Variants in MCF2L2 observed in about 807,000 individuals in gnomAD.
The protein encoded by MCF2L2 is MCF.2 cell line derived transforming sequence-like 2.
MCF2L2 carries 102 observed loss-of-function variants against 150.2 expected under a neutral mutation model. That is an observed-to-expected ratio of 0.68 (90% confidence interval 0.58 to 0.80). The LOEUF (loss-of-function observed/expected upper bound fraction) is 0.80. MCF2L2 is among the 30% of genes least tolerant of loss of function. MCF2L2 has a pLI of 0.00. For missense variants in MCF2L2, 1,256 were observed against 1,372.8 expected (o/e 0.91, Z 1.34); for synonymous variants, 465 against 491.3 (o/e 0.95, Z 0.71).
Position 183,323,265 on chromosome 3 carries a change from A to G in MCF2L2, c.573T>C (p.Tyr191=). The G allele has an allele frequency of 6.2e-7, 1 of 1,613,484 alleles. No individual in the cohort carries two copies. The highest frequency in any genetic ancestry group is 2.2e-5 in the East Asian group (1 of 44,878). ...GGTGATTTACCCACTGACCGTGGCG[A>G]TATTCCAAAGTCCCCCCTAATTCCC... ...LTRELGGTLE[Y]RHGQWVNHRT... Residue 191 remains tyrosine (Y), a synonymous_variant, in exon 6 of 30, where the codon TAT becomes TAC. Transcript: ENST00000328913.
intron 1 of MCF2L2, among the ~76,000 whole-genome samples, chr3:183,395,935 AAAAGAAAGAAAG>A (rs71629981): frequency 4.0e-5 from 4 of 99,112 alleles, no homozygotes; most frequent in African/African-American, 9.0e-5. Context: ...AAAAAAAAAA[AAAAGAAAGAAAG>A]AAAGAAAGAA....
chr3:183,366,227 C>A (rs1185950182), intron 3 of MCF2L2, among the ~76,000 whole-genome samples: 1 of 152,170 alleles, frequency 6.6e-6, no homozygotes, highest in Non-Finnish European at 1.5e-5. Context: ...ATCAGTAACA[C>A]TGGATGCTAC....
intron 3 of MCF2L2, among the ~76,000 whole-genome samples, chr3:183,359,130 T>C (rs137924791): frequency 6.6e-6 from 1 of 152,138 alleles, no homozygotes; most frequent in Middle Eastern, 3.2e-3. Flanking sequence ...GGGATGCTGA[T>C]GAAATATCAC....
intron 1 of MCF2L2, among the ~76,000 whole-genome samples, chr3:183,418,848 T>A (rs183378907): frequency 1.2e-3 from 186 of 152,338 alleles, no homozygotes; most frequent in Non-Finnish European, 2.2e-3. Flanking sequence ...GCAGCTTTTC[T>A]GGGCATACAG....
intron 15 of MCF2L2, among the ~76,000 whole-genome samples, chr3:183,238,853 C>T (rs1333177163): frequency 2.0e-5 from 3 of 151,274 alleles, no homozygotes; most frequent in Admixed American, 1.3e-4. Context: ...AAAAATTAGC[C>T]AGGCGTGGTG....
chr3:183,213,005 C>T (rs991800036), intron 22 of MCF2L2, among the ~76,000 whole-genome samples: 11 of 151,616 alleles, frequency 7.3e-5, no homozygotes, highest in Non-Finnish European at 1.5e-4. Context: ...GCCTGGGTCA[C>T]TAGGATTATT....
chr3:183,272,928 T>C, intron 15 of MCF2L2: 3 of 1,402,012 alleles, frequency 2.1e-6, no homozygotes, highest in Non-Finnish European at 2.8e-6. Context: ...CTGAACTGTG[T>C]CCTTTTAATT....
chr3:183,202,040 G>T (rs1328601569), intron 25 of MCF2L2, among the ~76,000 whole-genome samples: 28 of 152,240 alleles, frequency 1.8e-4, no homozygotes, highest in Non-Finnish European at 1.5e-4. Context: ...GGTAGCCTTA[G>T]AAATGAACAG....
At chr3:183,360,999 A>G (rs1347697159) in intron 3 of MCF2L2, among the ~76,000 whole-genome samples, 1 of 132,716 alleles carries the variant, frequency 7.5e-6, no homozygotes, top group African/African-American at 3.7e-5. Context: ...AAAAGAAAAG[A>G]AAAGAAAAGA....
At chr3:183,420,295 C>G (rs1362541598) in intron 1 of MCF2L2, among the ~76,000 whole-genome samples, 3 of 152,134 alleles carry the variant, frequency 2.0e-5, no homozygotes, top group Non-Finnish European at 2.9e-5. Flanking sequence ...TAGTCTGTTT[C>G]CACACTGCTA....
chr3:183,243,667 T>C (rs1724128827), intron 15 of MCF2L2, among the ~76,000 whole-genome samples: 1 of 152,216 alleles, frequency 6.6e-6, no homozygotes, highest in Non-Finnish European at 1.5e-5. Context: ...AAAGGTATTA[T>C]GTATAGAGTC....
intron 15 of MCF2L2, among the ~76,000 whole-genome samples, chr3:183,240,128 C>T (rs1341224339): frequency 6.6e-6 from 1 of 152,224 alleles, no homozygotes; most frequent in Non-Finnish European, 1.5e-5. Context: ...ACAGAGCAAG[C>T]TTTCAATTCC....
At position 183,305,106 on chromosome 3, in the gene MCF2L2, T is replaced by C. The variant is rs1577048388; in HGVS notation, c.1113+4610A>G. Reference sequence around the variant, plus strand: ...CAGGTACTGTTTTACCAAAGGGAAGTGGAGCACAATGGCCCAAGGTGACCC... The same window carrying C: ...CAGGTACTGTTTTACCAAAGGGAAGCGGAGCACAATGGCCCAAGGTGACCC... On this transcript the variant is annotated intron_variant, in intron 10 of 29. Coordinates refer to ENST00000328913, the MANE Select transcript of MCF2L2 (RefSeq NM_015078.4). The surrounding 1 kb of genome is among the most constrained non-coding windows in gnomAD (Gnocchi z 4.1). Among the ~76,000 whole-genome samples the C allele has an allele frequency of 6.6e-6, 1 of 152,148 alleles. No homozygotes were observed. The highest frequency in any genetic ancestry group is 6.5e-5 in the Admixed American group (1 of 15,274).
intron 1 of MCF2L2, among the ~76,000 whole-genome samples, chr3:183,395,862 G>A (rs371344237): frequency 7.6e-5 from 11 of 144,368 alleles, no homozygotes; most frequent in African/African-American, 2.9e-4. Context: ...AGGTTGCAGT[G>A]AGCTGTGATC....
At chr3:183,223,992 A>G in intron 19 of MCF2L2, 106 bp downstream of exon 19, 2 of 827,838 alleles carry the variant, frequency 2.4e-6, no homozygotes, top group Non-Finnish European at 4.1e-6. Context: ...TTAAATAAAC[A>G]TAAATCGCAA....
chr3:183,270,105 C>T lies in MCF2L2; in HGVS notation c.1862+6767G>A, dbSNP rs763587705. 5 of 1,614,070 alleles carry T rather than the reference C, an allele frequency of 3.1e-6. No individual in the cohort carries two copies. The highest frequency in any genetic ancestry group is 2.2e-5 in the East Asian group (1 of 44,872). On this transcript the variant is annotated intron_variant, in intron 15 of 29. Coordinates refer to ENST00000328913, the MANE Select transcript of MCF2L2 (RefSeq NM_015078.4). The surrounding 1 kb of genome is among the most constrained non-coding windows in gnomAD (Gnocchi z 4.5). ...AAAAACTGCTCCTGAAAACTATGAT[C>T]GACGTTCCGGAATTAGAAGGACGTG...
chr3:183,258,732 C>T (rs1725309448), intron 15 of MCF2L2, among the ~76,000 whole-genome samples: 1 of 151,794 alleles, frequency 6.6e-6, no homozygotes, highest in South Asian at 2.1e-4. Context: ...TTCCCATGTA[C>T]TCTTTTTTTT....
At chr3:183,292,352 C>T (rs371530251) in intron 13 of MCF2L2, among the ~76,000 whole-genome samples, 3 of 151,724 alleles carry the variant, frequency 2.0e-5, no homozygotes, top group African/African-American at 2.4e-5. Flanking sequence ...CCCAGGAGTT[C>T]GAAACCTGCC....
chr3:183,199,856 T>A (rs1722210425), intron 25 of MCF2L2, among the ~76,000 whole-genome samples: 1 of 146,846 alleles, frequency 6.8e-6, no homozygotes, highest in Non-Finnish European at 1.5e-5. Context: ...AGTTCCCACC[T>A]ATGAGTGAGA....
Sources: allele counts gnomAD v4.1 joint callset (sites outside exome capture counted in the v4.1 genomes callset), GRCh38; gene constraint gnomAD v4.1.1; non-coding constraint Gnocchi (gnomAD v3.1); transcripts MANE v1.5; gene names NCBI Gene and HGNC (gene_info 2026-07-23, HGNC 2026-07-21).